PPP2R2C: variants seen among roughly 807,000 people sequenced by gnomAD.
The protein encoded by PPP2R2C is protein phosphatase 2 regulatory subunit Bgamma, also known as protein phosphatase 2, regulatory subunit B, gamma.
A neutral mutation model predicts 45.3 loss-of-function variants in PPP2R2C; 10 were observed. That is an observed-to-expected ratio of 0.22 (90% CI 0.14 to 0.37). PPP2R2C has a LOEUF of 0.37. Ranked by LOEUF, PPP2R2C falls within the 10% of genes least tolerant of loss-of-function variation. PPP2R2C has a pLI of 1.00. For missense variants in PPP2R2C, 308 were observed against 619.7 expected (o/e 0.50, Z 5.34); for synonymous variants, 257 against 245.4 (o/e 1.05, Z -0.44).
At chr4:6,449,384 G>GC (rs1720615578) in intron 1 of PPP2R2C, among the ~76,000 whole-genome samples, 1 of 152,192 alleles carries the variant, frequency 6.6e-6, no homozygotes, top group African/African-American at 2.4e-5. Context: ...CTTTCACAGT[G>GC]CACCTCCACA....
At chr4:6,342,485 A>T (rs1733527233) in intron 6 of PPP2R2C, among the ~76,000 whole-genome samples, 1 of 152,194 alleles carries the variant, frequency 6.6e-6, no homozygotes. Context: ...TAGGTGTGCA[A>T]AGAATGAGCT....
chr4:6,382,398 TC>T, intron 1 of PPP2R2C: 1 of 1,350,690 alleles, frequency 7.4e-7, no homozygotes, highest in Non-Finnish European at 9.8e-7. Context: ...GAGAGGACAC[TC>T]CACAGGGTTC....
At chr4:6,348,764 C>T (rs867871451) in intron 5 of PPP2R2C, 2 of 920,778 alleles carry the variant, frequency 2.2e-6, no homozygotes, top group East Asian at 1.2e-4. Flanking sequence ...GTGGGGCAGA[C>T]AGTGGAAAGA....
At chr4:6,431,442 G>T (rs1242621941) in intron 1 of PPP2R2C, among the ~76,000 whole-genome samples, 3 of 152,210 alleles carry the variant, frequency 2.0e-5, no homozygotes, top group Non-Finnish European at 4.4e-5. Context: ...AGCTGCTCAG[G>T]CTGAGACTAC....
At chr4:6,363,355 G>C (rs897545653) in intron 5 of PPP2R2C, among the ~76,000 whole-genome samples, 1 of 152,142 alleles carries the variant, frequency 6.6e-6, no homozygotes, top group Non-Finnish European at 1.5e-5. Flanking sequence ...AAGGCAGGTG[G>C]ATCACGAGGT....
rs75441156 is a variant in PPP2R2C, at chr4:6,382,271, G to A, written c.71-1177C>T. On this transcript the variant is annotated intron_variant, in intron 1 of 8. Transcript: ENST00000382599. ...CGCTGCTGTGAATGGGACCTCTGTC[G>A]TTCTTTGCTCTCCTGGCCTGGATTC... is the stretch of plus-strand genomic sequence containing the variant. 4.5e-4 allele frequency: 559 copies of A among 1,247,250 alleles called. 6 individuals are homozygous for A. The African/African-American group carries it at 6.5e-3, about 15-fold the overall frequency. 77.3% of individuals were successfully genotyped at this position (1,247,250 alleles called of 1,614,324 possible). A position where few individuals can be genotyped will look rare whatever the true frequency, so the allele number is the denominator to read the frequency against.
At chr4:6,456,587 G>A (rs1378195385) in intron 1 of PPP2R2C, among the ~76,000 whole-genome samples, 1 of 152,194 alleles carries the variant, frequency 6.6e-6, no homozygotes, top group Middle Eastern at 3.4e-3. Flanking sequence ...TCAGCCCCTC[G>A]CTCCTTCGGT....
In PPP2R2C at chr4:6,530,920, G is replaced by A. The variant is rs566493055; in HGVS notation, c.49+4351C>T. Among the ~76,000 whole-genome samples the A allele has an allele frequency of 2.6e-5, 4 of 152,328 alleles. No homozygotes were observed. The East Asian group carries it at 5.8e-4, about 22-fold the overall frequency. ...CACCTGTCACAGTGAGGCCCCAAATGTTGACCAACAGGAGGGACACATTCC... is the reference window on the plus strand; with the variant it reads ...CACCTGTCACAGTGAGGCCCCAAATATTGACCAACAGGAGGGACACATTCC... On this transcript the variant is annotated intron_variant, in intron 2 of 9. Coordinates refer to the PPP2R2C transcript ENST00000506140.
intron 5 of PPP2R2C, among the ~76,000 whole-genome samples, chr4:6,367,454 C>T (rs1714427857): frequency 6.6e-6 from 1 of 152,048 alleles, no homozygotes; most frequent in Non-Finnish European, 1.5e-5. Context: ...ACACAGGCCT[C>T]CTGACCCTGG....
intron 6 of PPP2R2C, among the ~76,000 whole-genome samples, chr4:6,344,558 C>T (rs1235696618): frequency 6.6e-6 from 1 of 152,214 alleles, no homozygotes. Flanking sequence ...ACAAAACTGT[C>T]CTATGCCCGT....
chr4:6,512,168 T>C, intron 2 of PPP2R2C, among the ~76,000 whole-genome samples: 1 of 76,632 alleles, frequency 1.3e-5, no homozygotes, highest in Non-Finnish European at 2.5e-5. Flanking sequence ...GTGATGGTGG[T>C]GATGGTGCTG....
chr4:6,400,359 T>C (rs892517994), intron 1 of PPP2R2C, among the ~76,000 whole-genome samples: 6 of 150,674 alleles, frequency 4.0e-5, no homozygotes, highest in African/African-American at 1.5e-4. Context: ...CCAAAAAAAA[T>C]ATTATTTACG....
At chr4:6,406,919 G>A (rs1717835037) in intron 1 of PPP2R2C, among the ~76,000 whole-genome samples, 1 of 152,152 alleles carries the variant, frequency 6.6e-6, no homozygotes, top group Non-Finnish European at 1.5e-5. Context: ...ATCTGAGTAA[G>A]CCCTAAATGC....
chr4:6,408,430 G>C (rs1000119446), intron 1 of PPP2R2C, among the ~76,000 whole-genome samples: 3 of 152,134 alleles, frequency 2.0e-5, no homozygotes, highest in Non-Finnish European at 2.9e-5. Context: ...CACCCTCCTA[G>C]AGGCAGCCAA....
chr4:6,376,048 C>T (rs767419362), intron 3 of PPP2R2C, 117 bp from the exon 4 acceptor site: 3 of 822,400 alleles, frequency 3.6e-6, no homozygotes, highest in Non-Finnish European at 5.8e-6. Context: ...GGGGTTCTGC[C>T]AACAGACGGC....
At position 6,328,462 on chromosome 4, in the gene PPP2R2C, G is replaced by T. The variant is rs772616169; in HGVS notation, c.1052+800C>A. 6.6e-6 allele frequency among the ~76,000 whole-genome samples: 1 copy of T among 152,184 alleles called. No homozygotes were observed. Among genetic ancestry groups the T allele is most frequent in the African/African-American group, 2.4e-5 (1 of 41,438 alleles). On this transcript the variant is annotated intron_variant, in intron 8 of 8. Transcript: ENST00000382599. The surrounding 1 kb of genome is among the most constrained non-coding windows in gnomAD (Gnocchi z 4.4). ...AGGCTTGTCCATTTCAGAATCTTAC[G>T]CCTGGCAGGACCCTGAGCACAAAGC...
rs992193849 is a variant in PPP2R2C at position 6,329,569 on chromosome 4, G to A, written c.961-216C>T. On this transcript the variant is annotated intron_variant, in intron 7 of 8. Coordinates refer to ENST00000382599, the MANE Select transcript of PPP2R2C (RefSeq NM_020416.4). This position sits in a 1 kb window ranked among gnomAD's most constrained non-coding sequence, Gnocchi z 5.8. ...CATGACCAGGCACACGGCTGACCCCGACCGTGACACAGCCCAATACAGCCC... is the reference window on the plus strand; with the variant it reads ...CATGACCAGGCACACGGCTGACCCCAACCGTGACACAGCCCAATACAGCCC... Among the ~76,000 whole-genome samples the A allele has an allele frequency of 6.8e-6, 1 of 148,124 alleles. No homozygotes were observed. Among genetic ancestry groups the A allele is most frequent in the Non-Finnish European group, 1.5e-5 (1 of 66,988 alleles).
At chr4:6,456,520 A>G (rs1469651072) in intron 1 of PPP2R2C, among the ~76,000 whole-genome samples, 1 of 152,190 alleles carries the variant, frequency 6.6e-6, no homozygotes, top group Non-Finnish European at 1.5e-5. Context: ...GCCATAAAAT[A>G]TTCAGGGCTG....
intron 5 of PPP2R2C, among the ~76,000 whole-genome samples, chr4:6,355,680 C>G (rs543192813): frequency 6.6e-6 from 1 of 152,090 alleles, no homozygotes; most frequent in East Asian, 1.9e-4. Context: ...AGTATTGCTG[C>G]TGCGGTACAA....
Sources: gnomAD v4.1 joint callset for allele counts (sites outside exome capture counted in the v4.1 genomes callset) on GRCh38, gnomAD v4.1.1 for gene constraint, Gnocchi (gnomAD v3.1) non-coding constraint, MANE v1.5 for transcripts, NCBI Gene and HGNC (gene_info 2026-07-23, HGNC 2026-07-21) for gene names.